The following SLC4A10 variants were observed in gnomAD, a reference collection of about 807,000 sequenced individuals.
SLC4A10 encodes sodium-driven chloride bicarbonate exchanger.
SLC4A10 carries 42 observed loss-of-function variants against 137.7 expected under a neutral mutation model. The ratio of observed to expected loss-of-function variants is 0.30; its 90% CI spans 0.24 to 0.39. SLC4A10 has a LOEUF of 0.39. SLC4A10 is among the 10% of genes least tolerant of loss of function. SLC4A10 has a pLI of 1.00. For synonymous variants in SLC4A10, 474 were observed against 464.1 expected, an observed-to-expected ratio of 1.02 and a Z score of -0.27; for missense variants, 925 against 1,355.0, an observed-to-expected ratio of 0.68 and a Z score of 4.98.
At chr2:161,708,073 G>A (rs938617125) in intron 1 of SLC4A10, among the ~76,000 whole-genome samples, 1 of 151,158 alleles carries the variant, frequency 6.6e-6, no homozygotes, top group Non-Finnish European at 1.5e-5. Flanking sequence ...ATGTATGTTG[G>A]TATGAAGAAT....
At chr2:161,962,154 G>T (rs1696835610) in intron 21 of SLC4A10, among the ~76,000 whole-genome samples, 1 of 152,196 alleles carries the variant, frequency 6.6e-6, no homozygotes, top group Non-Finnish European at 1.5e-5. Context: ...TTACCTGCTT[G>T]TTTGGCAATA....
Position 161,974,305 on chromosome 2 carries a change from A to T in SLC4A10, c.3216A>T (p.Glu1072Asp). The T allele has an allele frequency of 6.2e-7, 1 of 1,605,228 alleles. No homozygotes were observed. The highest frequency in any genetic ancestry group is 8.5e-7 in the Non-Finnish European group (1 of 1,175,994). ...EDEGTVQLPL[E>D]GHYRDDPSVI... ...AGGGCACAGTACAACTCCCATTGGA[A>T]GGGCACTATAGGTAAGACATAAATT... is the stretch of plus-strand genomic sequence containing the variant. Residue 1072 changes from glutamate to aspartate, a missense_variant, in exon 24 of 27, where the codon GAA (glutamate) becomes GAT (aspartate). By Grantham distance (45) the Glu-to-Asp change is conservative. Around this residue, in one of 11 missense-constraint regions of SLC4A10, gnomAD observed 84 missense variants for 76.9 expected, o/e 1.09. Transcript: ENST00000446997.
At chr2:161,698,385 A>C (rs1009405901) in intron 1 of SLC4A10, among the ~76,000 whole-genome samples, 1 of 152,168 alleles carries the variant, frequency 6.6e-6, no homozygotes, top group Non-Finnish European at 1.5e-5. Context: ...GTCTTGTGCC[A>C]GTTTTCAAAG....
At chr2:161,641,893 C>G (rs910221134) in intron 1 of SLC4A10, among the ~76,000 whole-genome samples, 1 of 151,932 alleles carries the variant, frequency 6.6e-6, no homozygotes, top group Non-Finnish European at 1.5e-5. Flanking sequence ...TATAATTATA[C>G]AATATTCATT....
chr2:161,751,969 A>G (rs1049804148), intron 1 of SLC4A10, among the ~76,000 whole-genome samples: 4 of 151,916 alleles, frequency 2.6e-5, no homozygotes, highest in African/African-American at 9.7e-5. Context: ...GTATGAATTG[A>G]TTAGTTTAGC....
At chr2:161,866,419 T>A (rs2060753648) in intron 6 of SLC4A10, among the ~76,000 whole-genome samples, 1 of 152,004 alleles carries the variant, frequency 6.6e-6, no homozygotes, top group South Asian at 2.1e-4. Context: ...TTTTTCTTCG[T>A]ATTCCGCATT....
At chr2:161,828,768 A>ATATATATG (rs2058204257) in intron 3 of SLC4A10, among the ~76,000 whole-genome samples, 1 of 7,532 alleles carries the variant, frequency 1.3e-4, no homozygotes, top group South Asian at 5.9e-3. Flanking sequence ...ATTCTAATTC[A>ATATATATG]TATATATATA....
At chr2:161,737,928 A>T (rs1237554982) in intron 1 of SLC4A10, among the ~76,000 whole-genome samples, 1 of 152,218 alleles carries the variant, frequency 6.6e-6, no homozygotes, top group Non-Finnish European at 1.5e-5. Flanking sequence ...GAGTTGGCAC[A>T]TTCTGCAGCA....
intron 3 of SLC4A10, among the ~76,000 whole-genome samples, chr2:161,821,877 A>G (rs746942238): frequency 9.2e-5 from 14 of 152,194 alleles, no homozygotes; most frequent in South Asian, 4.1e-4. Flanking sequence ...AATCATTTCT[A>G]TTTTAAAGAA....
intron 23 of SLC4A10, among the ~76,000 whole-genome samples, chr2:161,971,637 G>T (rs561285356): frequency 2.0e-5 from 3 of 152,096 alleles, no homozygotes; most frequent in Non-Finnish European, 4.4e-5. Flanking sequence ...CTGTCGTGAC[G>T]GCTACTGCCT....
intron 1 of SLC4A10, among the ~76,000 whole-genome samples, chr2:161,662,810 C>G (rs2038595321): frequency 6.6e-6 from 1 of 152,188 alleles, no homozygotes; most frequent in African/African-American, 2.4e-5. Flanking sequence ...TCTAAGCTGA[C>G]AAACCATTGC....
chr2:161,982,772 C>T (rs1263504462), intron 26 of SLC4A10, among the ~76,000 whole-genome samples: 3 of 152,104 alleles, frequency 2.0e-5, no homozygotes, highest in African/African-American at 7.2e-5. Flanking sequence ...GCAGCAGAGC[C>T]CAGAAATGCC....
rs1160781397 is a variant in SLC4A10, at chr2:161,657,141, ATATT to A, written c.48+32577_48+32580del. Among the ~76,000 whole-genome samples, 14 of 152,050 alleles carry A rather than the reference ATATT, an allele frequency of 9.2e-5. No individual in the cohort carries two copies. The South Asian group carries it at 1.7e-3, about 18-fold the overall frequency. ...ATTTTAGAATAATTTTCCCTTCTGA[ATATT>A]TGTTTGTTATTACTTAATATATATG... On this transcript the variant is annotated intron_variant, in intron 1 of 26. Transcript: ENST00000446997.
At chr2:161,848,029 C>A (rs1043868928) in intron 4 of SLC4A10, among the ~76,000 whole-genome samples, 1 of 152,098 alleles carries the variant, frequency 6.6e-6, no homozygotes, top group Non-Finnish European at 1.5e-5. Context: ...GCAACCTCAC[C>A]AGCTTCTGTT....
At chr2:161,775,746 GT>G (rs1559223066) in intron 2 of SLC4A10, among the ~76,000 whole-genome samples, 1 of 151,586 alleles carries the variant, frequency 6.6e-6, no homozygotes, top group African/African-American at 2.4e-5. Flanking sequence ...TCCTGTCCAG[GT>G]TTTCTCAGAA....
intron 1 of SLC4A10, among the ~76,000 whole-genome samples, chr2:161,713,266 G>A (rs1574507399): frequency 6.6e-6 from 1 of 151,582 alleles, no homozygotes; most frequent in South Asian, 2.1e-4. Context: ...GCTGATGTAC[G>A]TATTCCTGGA....
intron 3 of SLC4A10, among the ~76,000 whole-genome samples, chr2:161,832,225 A>C (rs2058477718): frequency 6.6e-6 from 1 of 152,208 alleles, no homozygotes; most frequent in African/African-American, 2.4e-5. Flanking sequence ...AATGCAACAC[A>C]AATGATGATA....
At chr2:161,842,949 G>A (rs1272006278) in intron 4 of SLC4A10, among the ~76,000 whole-genome samples, 5 of 152,184 alleles carry the variant, frequency 3.3e-5, no homozygotes, top group Non-Finnish European at 7.3e-5. Context: ...GTGACTTGAA[G>A]GAAGGCGATC....
At chr2:161,689,807 A>G (rs2041806222) in intron 1 of SLC4A10, among the ~76,000 whole-genome samples, 1 of 152,184 alleles carries the variant, frequency 6.6e-6, no homozygotes, top group Non-Finnish European at 1.5e-5. Context: ...GGCTCTTGGC[A>G]AAATCATGAA....
Sources: gnomAD v4.1 joint callset for allele counts (sites outside exome capture counted in the v4.1 genomes callset) on GRCh38, gnomAD v4.1.1 for gene constraint, gnomAD v4.1.1 regional missense constraint, MANE v1.5 for transcripts, NCBI Gene and HGNC (gene_info 2026-07-23, HGNC 2026-07-21) for gene names.